ANO6: variants seen among roughly 807,000 people sequenced by gnomAD.
ANO6 encodes the protein anoctamin 6.
Under a neutral mutation model 117.5 loss-of-function variants are expected in ANO6, and 106 were observed. The observed-to-expected ratio is 0.90, with a 90% CI of 0.77 to 1.06. The LOEUF (loss-of-function observed/expected upper bound fraction) is 1.06. ANO6 is among the 50% of genes least tolerant of loss of function. The probability of loss-of-function intolerance (pLI) is 0.00; values close to 1 mark genes in which losing one functional copy is unlikely to be tolerated. For missense variants in ANO6, 955 were observed against 1,121.1 expected (o/e 0.85, Z 2.12); for synonymous variants, 367 against 385.1 (o/e 0.95, Z 0.55).
intron 8 of ANO6, among the ~76,000 whole-genome samples, chr12:45,363,070 T>C (rs1487111302): frequency 6.6e-6 from 1 of 152,202 alleles, no homozygotes; most frequent in East Asian, 1.9e-4. Context: ...ATAGGTTAAG[T>C]GTTTCTTGTC....
intron 18 of ANO6, among the ~76,000 whole-genome samples, chr12:45,422,487 G>C: frequency 6.6e-6 from 1 of 152,000 alleles, no homozygotes; most frequent in East Asian, 1.9e-4. Flanking sequence ...AGGCACTACT[G>C]TAGTTATTTT....
At chr12:45,222,733 AG>A (rs1947423111) in intron 1 of ANO6, among the ~76,000 whole-genome samples, 1 of 152,170 alleles carries the variant, frequency 6.6e-6, no homozygotes, top group African/African-American at 2.4e-5. Context: ...CTGCCCATAA[AG>A]AAATTCTCCC....
At chr12:45,413,554 CAA>C (rs1441857386) in intron 16 of ANO6, among the ~76,000 whole-genome samples, 1 of 152,170 alleles carries the variant, frequency 6.6e-6, no homozygotes, top group East Asian at 1.9e-4. Flanking sequence ...GCAGGAATAT[CAA>C]GAGAGATGGA....
intron 3 of ANO6, among the ~76,000 whole-genome samples, chr12:45,338,657 T>TA (rs1940893952): frequency 6.6e-6 from 1 of 152,068 alleles, no homozygotes; most frequent in Non-Finnish European, 1.5e-5. Flanking sequence ...AGATTGTAGG[T>TA]AAAAAGGAAT....
chr12:45,216,113 G>A lies in ANO6; in HGVS notation c.-209G>A, dbSNP rs1428327743. The A allele has an allele frequency of 7.0e-6, 4 of 573,064 alleles. No individual in the cohort carries two copies. In the East Asian group the frequency reaches 1.2e-4, roughly 18 times the overall value. 35.5% of individuals were successfully genotyped at this position (573,064 alleles called of 1,614,324 possible). A position where few individuals can be genotyped will look rare whatever the true frequency, so the allele number is the denominator to read the frequency against. On this transcript the variant is annotated 5_prime_UTR_variant, in exon 1 of 20. Coordinates refer to ENST00000320560, the MANE Select transcript of ANO6 (RefSeq NM_001025356.3). ...CATGCTCAGTCTCCGGGCTCCGCTC[G>A]GCAGGCGAGAGGCGTCCTCCGGCTC...
At chr12:45,321,405 ATCGAT>A (rs1940265543) in intron 2 of ANO6, among the ~76,000 whole-genome samples, 1 of 152,268 alleles carries the variant, frequency 6.6e-6, no homozygotes, top group Non-Finnish European at 1.5e-5. Flanking sequence ...GTTGGAAGGT[ATCGAT>A]TCACTAAGTT....
chr12:45,248,229 C>T (rs1282523461), intron 1 of ANO6, among the ~76,000 whole-genome samples: 1 of 152,056 alleles, frequency 6.6e-6, no homozygotes, highest in Non-Finnish European at 1.5e-5. Flanking sequence ...ACTTGTGTCT[C>T]ACTTGATTCT....
At chr12:45,301,463 TTTAA>T (rs938641474) in intron 1 of ANO6, among the ~76,000 whole-genome samples, 25 of 151,056 alleles carry the variant, frequency 1.7e-4, no homozygotes, top group African/African-American at 5.7e-4. Flanking sequence ...TTTAATGTTT[TTTAA>T]TTAGTCAGGC....
intron 11 of ANO6, among the ~76,000 whole-genome samples, chr12:45,389,660 T>G (rs1942389926): frequency 6.6e-6 from 1 of 152,208 alleles, no homozygotes. Context: ...TGGTGAAGTC[T>G]CTGATGCCAG....
intron 1 of ANO6, among the ~76,000 whole-genome samples, chr12:45,218,705 A>G (rs1369271865): frequency 6.6e-6 from 1 of 152,182 alleles, no homozygotes; most frequent in Non-Finnish European, 1.5e-5. Context: ...TAGTGGTCCA[A>G]AGCCTTTTAC....
At chr12:45,400,200 G>T (rs1942746756) in intron 12 of ANO6, among the ~76,000 whole-genome samples, 1 of 152,168 alleles carries the variant, frequency 6.6e-6, no homozygotes, top group African/African-American at 2.4e-5. Flanking sequence ...AGCCTGTTAT[G>T]AGATTAAACA....
intron 10 of ANO6, among the ~76,000 whole-genome samples, chr12:45,380,788 C>T (rs1224682278): frequency 5.3e-5 from 8 of 152,110 alleles, no homozygotes; most frequent in African/African-American, 1.9e-4. Context: ...GCCTGGCCAA[C>T]ATGGTGAAAC....
intron 1 of ANO6, among the ~76,000 whole-genome samples, chr12:45,246,759 CTTTTTTTTTTTT>C (rs34322669): frequency 8.8e-6 from 1 of 113,936 alleles, no homozygotes; most frequent in Non-Finnish European, 1.8e-5. Flanking sequence ...TTCCACCCTA[CTTTTTTTTTTTT>C]TTTTTTTTTT....
chr12:45,269,995 C>G (rs1938342870), intron 1 of ANO6, among the ~76,000 whole-genome samples: 1 of 152,186 alleles, frequency 6.6e-6, no homozygotes, highest in Non-Finnish European at 1.5e-5. Flanking sequence ...CTCCAGAGAT[C>G]TGGTTTAATT....
chr12:45,439,970 G>A (rs761858367), exon 20 of ANO6: 3 of 1,455,950 alleles, frequency 2.1e-6, no homozygotes, highest in Non-Finnish European at 2.7e-6. Context: ...ACAAATATTT[G>A]TGTGTCTATT....
intron 1 of ANO6, among the ~76,000 whole-genome samples, chr12:45,285,546 T>C (rs919622138): frequency 6.6e-6 from 1 of 152,044 alleles, no homozygotes; most frequent in Non-Finnish European, 1.5e-5. Context: ...ATCACCAACA[T>C]GGTGAAACCT....
chr12:45,375,964 AG>A (rs1260275346), intron 9 of ANO6, among the ~76,000 whole-genome samples: 2 of 149,274 alleles, frequency 1.3e-5, no homozygotes, highest in African/African-American at 2.4e-5. Flanking sequence ...CATCTGACAA[AG>A]GGCTAATATC....
chr12:45,274,700 C>T, intron 1 of ANO6, among the ~76,000 whole-genome samples: 1 of 151,412 alleles, frequency 6.6e-6, no homozygotes, highest in East Asian at 1.9e-4. Context: ...GCCTCTGCTA[C>T]CTCTCCATCC....
rs190251272 is a variant in ANO6 at position 45,304,087 on chromosome 12, G to A, written c.150+1994G>A. On this transcript the variant is annotated intron_variant, in intron 2 of 19. Coordinates refer to ENST00000320560, the MANE Select transcript of ANO6 (RefSeq NM_001025356.3). The stretch of plus-strand genomic sequence containing the variant: ...TTTTCACACATCTGATGCTCATTAA[G>A]GTCACTTCTTTGTGTAACATGTAAA... Among the ~76,000 whole-genome samples the A allele has an allele frequency of 3.2e-3, 492 of 152,278 alleles. 3 individuals carry two copies. The highest frequency in any genetic ancestry group is 0.02 in the Middle Eastern group (6 of 294).
Sources: gnomAD v4.1 joint callset for allele counts (sites outside exome capture counted in the v4.1 genomes callset) on GRCh38, gnomAD v4.1.1 for gene constraint, MANE v1.5 for transcripts, NCBI Gene and HGNC (gene_info 2026-07-23, HGNC 2026-07-21) for gene names.